Variants in CPNE4 observed in about 807,000 individuals in gnomAD.
CPNE4 encodes copine 4, also known as copine-4.
CPNE4 carries 25 observed loss-of-function variants against 67.9 expected under a neutral mutation model. That is an observed-to-expected ratio of 0.37 (90% CI 0.27 to 0.51). The LOEUF is 0.51. CPNE4 is among the 20% of genes least tolerant of loss of function. The probability of loss-of-function intolerance (pLI) is 0.93; values close to 1 mark genes in which losing one functional copy is unlikely to be tolerated. For synonymous variants in CPNE4, 242 were observed against 244.9 expected (o/e 0.99, Z 0.11); for missense variants, 464 against 690.8 (o/e 0.67, Z 3.68).
At chr3:131,580,453 CAT>C (rs1297214819) in intron 9 of CPNE4, among the ~76,000 whole-genome samples, 19 of 99,000 alleles carry the variant, frequency 1.9e-4, no homozygotes, top group East Asian at 5.0e-4. Context: ...TATACATATA[CAT>C]ATACACATAT....
chr3:131,916,735 C>T (rs1028176687), intron 1 of CPNE4, among the ~76,000 whole-genome samples: 1 of 152,142 alleles, frequency 6.6e-6, no homozygotes, highest in Admixed American at 6.6e-5. Context: ...TAACACGTGT[C>T]TATTAAGCAC....
At chr3:131,892,367 C>A (rs1294756942) in intron 2 of CPNE4, among the ~76,000 whole-genome samples, 1 of 152,084 alleles carries the variant, frequency 6.6e-6, no homozygotes, top group African/African-American at 2.4e-5. Context: ...GAAATACAGA[C>A]CTTTCCAGAC....
At chr3:132,023,844 A>C (rs2074058465) in intron 1 of CPNE4, among the ~76,000 whole-genome samples, 1 of 152,120 alleles carries the variant, frequency 6.6e-6, no homozygotes, top group Non-Finnish European at 1.5e-5. Context: ...TAAGGCTTAA[A>C]AGAAGCCCTT....
intron 2 of CPNE4, among the ~76,000 whole-genome samples, chr3:131,853,367 A>T (rs2086310433): frequency 6.6e-6 from 1 of 151,766 alleles, no homozygotes; most frequent in South Asian, 2.1e-4. Flanking sequence ...ACAACTCGAT[A>T]CTTGTGTGTG....
chr3:131,641,902 A>G (rs540365464), intron 7 of CPNE4, among the ~76,000 whole-genome samples: 1 of 152,328 alleles, frequency 6.6e-6, no homozygotes, highest in East Asian at 1.9e-4. Flanking sequence ...GAAGTAATTC[A>G]GGAATGGAAA....
intron 7 of CPNE4, among the ~76,000 whole-genome samples, chr3:131,593,195 T>TA (rs1161110470): frequency 1.3e-5 from 2 of 152,222 alleles, no homozygotes; most frequent in Non-Finnish European, 2.9e-5. Flanking sequence ...TCCATTTCTG[T>TA]AAAAAATGCC....
At chr3:131,781,719 T>C (rs756213553) in intron 2 of CPNE4, among the ~76,000 whole-genome samples, 9 of 152,194 alleles carry the variant, frequency 5.9e-5, no homozygotes, top group Non-Finnish European at 1.2e-4. Context: ...AAATACACTA[T>C]CTTACAAACT....
intron 2 of CPNE4, among the ~76,000 whole-genome samples, chr3:131,726,483 G>T (rs2082002250): frequency 6.6e-6 from 1 of 152,138 alleles, no homozygotes; most frequent in African/African-American, 2.4e-5. Flanking sequence ...GCAGGAAAAT[G>T]ACAATAAGCG....
At chr3:131,579,775 A>G (rs1175990993) in intron 9 of CPNE4, among the ~76,000 whole-genome samples, 3 of 152,230 alleles carry the variant, frequency 2.0e-5, no homozygotes, top group Non-Finnish European at 2.9e-5. Context: ...AATTGCCACA[A>G]CTGATAAAAC....
intron 2 of CPNE4, among the ~76,000 whole-genome samples, chr3:131,880,295 T>A (rs2087624183): frequency 6.6e-6 from 1 of 152,044 alleles, no homozygotes; most frequent in Non-Finnish European, 1.5e-5. Context: ...TTTTGTGTTT[T>A]TAGTAGAGAC....
chr3:131,695,106 G>T (rs4854831), intron 5 of CPNE4, among the ~76,000 whole-genome samples: 4,754 of 152,214 alleles, frequency 0.031, 109 homozygotes, highest in East Asian at 0.1. Flanking sequence ...CTACAACTTT[G>T]CCCTCTTTCC....
At chr3:132,002,410 G>A (rs1237266087) in intron 1 of CPNE4, among the ~76,000 whole-genome samples, 1 of 152,108 alleles carries the variant, frequency 6.6e-6, no homozygotes, top group African/African-American at 2.4e-5. Flanking sequence ...AGAATACAAG[G>A]CAGTGAAGTT....
intron 2 of CPNE4, among the ~76,000 whole-genome samples, chr3:131,840,165 T>C (rs1019849822): frequency 1.3e-5 from 2 of 152,224 alleles, no homozygotes; most frequent in Non-Finnish European, 2.9e-5. Flanking sequence ...GTCAGCCTTA[T>C]ATCTTCTACT....
chr3:131,861,472 C>T (rs1359817514), intron 2 of CPNE4, among the ~76,000 whole-genome samples: 1 of 148,006 alleles, frequency 6.8e-6, no homozygotes, highest in African/African-American at 2.5e-5. Context: ...CTGTTGTTGC[C>T]CAGGCTGGAG....
chr3:131,931,550 G>A (rs2071060224), intron 1 of CPNE4, among the ~76,000 whole-genome samples: 1 of 151,910 alleles, frequency 6.6e-6, no homozygotes, highest in Admixed American at 6.6e-5. Context: ...GTGCAATTAG[G>A]TATCCTTACC....
intron 7 of CPNE4, among the ~76,000 whole-genome samples, chr3:131,650,414 A>C (rs1446193485): frequency 2.0e-5 from 3 of 152,180 alleles, no homozygotes; most frequent in African/African-American, 7.2e-5. Context: ...TGAAGGAAGA[A>C]ACTATAAGCA....
chr3:131,894,644 G>A (rs1349793719), intron 2 of CPNE4, among the ~76,000 whole-genome samples: 2 of 151,876 alleles, frequency 1.3e-5, no homozygotes, highest in Non-Finnish European at 2.9e-5. Flanking sequence ...TCAGGAAAAT[G>A]TAAATGAAAA....
At chr3:131,785,110 G>T (rs1050652931) in intron 2 of CPNE4, among the ~76,000 whole-genome samples, 7 of 152,058 alleles carry the variant, frequency 4.6e-5, no homozygotes, top group African/African-American at 1.7e-4. Flanking sequence ...CAGACATAAA[G>T]GATCCAGACC....
At chr3:131,953,251 A>ATAAAT (rs1246406144) in intron 1 of CPNE4, among the ~76,000 whole-genome samples, 66 of 140,854 alleles carry the variant, frequency 4.7e-4, no homozygotes, top group Middle Eastern at 7.7e-3. Flanking sequence ...AAAAAAAAAA[A>ATAAAT]AAAAAAAAAA....
Sources: gnomAD v4.1 joint callset for allele counts (sites outside exome capture counted in the v4.1 genomes callset) on GRCh38, gnomAD v4.1.1 for gene constraint, MANE v1.5 for transcripts, NCBI Gene and HGNC (gene_info 2026-07-23, HGNC 2026-07-21) for gene names.